NBEA: variants seen among roughly 807,000 people sequenced by gnomAD.
The protein encoded by NBEA is neurobeachin.
NBEA carries 44 observed loss-of-function variants against 343.4 expected under a neutral mutation model. The observed-to-expected ratio is 0.13, with a 90% CI of 0.10 to 0.16. The LOEUF (loss-of-function observed/expected upper bound fraction) is 0.16, where lower values mean the gene tolerates loss of function less well. NBEA is among the 10% of genes least tolerant of loss of function. The pLI, the probability that NBEA is intolerant of heterozygous loss-of-function variation, is 1.00. For missense variants in NBEA, 2,555 were observed against 3,631.3 expected, an observed-to-expected ratio of 0.70 and a Z score of 7.62; for synonymous variants, 1,175 against 1,238.7, an observed-to-expected ratio of 0.95 and a Z score of 1.08.
chr13:35,451,692 G>A (rs533467300), intron 39 of NBEA, among the ~76,000 whole-genome samples: 2 of 152,286 alleles, frequency 1.3e-5, no homozygotes, highest in Non-Finnish European at 2.9e-5. Flanking sequence ...GTATAATTAT[G>A]TAAAATAGTG....
chr13:35,255,452 G>C (rs2032476853), intron 34 of NBEA, among the ~76,000 whole-genome samples: 1 of 152,234 alleles, frequency 6.6e-6, no homozygotes. Flanking sequence ...AGCAGCAGTG[G>C]GTGCATGAGC....
intron 1 of NBEA, among the ~76,000 whole-genome samples, chr13:34,975,746 A>C (rs1233435774): frequency 6.6e-6 from 1 of 152,142 alleles, no homozygotes; most frequent in Non-Finnish European, 1.5e-5. Flanking sequence ...AAAAAATCCC[A>C]TCAAAAAGTG....
intron 34 of NBEA, among the ~76,000 whole-genome samples, chr13:35,266,109 C>T (rs2033651226): frequency 6.6e-6 from 1 of 151,812 alleles, no homozygotes; most frequent in Non-Finnish European, 1.5e-5. Flanking sequence ...TTCAACATCA[C>T]TAATCAGAAA....
At chr13:35,584,342 G>A (rs1379248391) in intron 46 of NBEA, among the ~76,000 whole-genome samples, 1 of 148,080 alleles carries the variant, frequency 6.8e-6, no homozygotes. Flanking sequence ...CAGTGAGAGG[G>A]TCTCTCACTC....
intron 1 of NBEA, among the ~76,000 whole-genome samples, chr13:34,985,587 T>C (rs1172464534): frequency 6.6e-6 from 1 of 151,008 alleles, no homozygotes. Flanking sequence ...TCTTTTTCTA[T>C]TAATTGGAAT....
chr13:35,387,837 C>T (rs2042316073), intron 38 of NBEA, among the ~76,000 whole-genome samples: 3 of 152,060 alleles, frequency 2.0e-5, no homozygotes, highest in African/African-American at 2.4e-5. Flanking sequence ...TAAATGGTAA[C>T]GCTCTGGCTC....
rs74054535 is a variant in NBEA, at chr13:35,412,121, T to A, written c.6180-20148T>A. Among the ~76,000 whole-genome samples the A allele has an allele frequency of 5.6e-3, 848 of 152,256 alleles. 8 individuals are homozygous for A. Among genetic ancestry groups the A allele is most frequent in the African/African-American group, 0.019 (790 of 41,548 alleles). On this transcript the variant is annotated intron_variant, in intron 38 of 58. Transcript: ENST00000379939. The stretch of plus-strand genomic sequence containing the variant: ...AAAAATTTGAAATCCATGCATAATG[T>A]TTTCATAATACACATTTTCCATGAA...
chr13:35,562,508 A>G (rs1038459066), intron 44 of NBEA, among the ~76,000 whole-genome samples: 1 of 152,028 alleles, frequency 6.6e-6, no homozygotes, highest in Non-Finnish European at 1.5e-5. Context: ...GTTGTTTTTC[A>G]TATGATCAGC....
intron 30 of NBEA, among the ~76,000 whole-genome samples, chr13:35,190,720 G>T (rs1591646): frequency 0.076 from 11,586 of 152,112 alleles, 605 homozygotes; most frequent in South Asian, 0.19. Context: ...ACAACAAAAA[G>T]AATTATGAGA....
chr13:35,293,917 ACT>A (rs919612707), intron 35 of NBEA, among the ~76,000 whole-genome samples: 1 of 152,046 alleles, frequency 6.6e-6, no homozygotes, highest in African/African-American at 2.4e-5. Context: ...AAATTGAGAA[ACT>A]GTACATTTAA....
chr13:35,581,516 A>G (rs2081034047), intron 45 of NBEA, among the ~76,000 whole-genome samples: 2 of 151,710 alleles, frequency 1.3e-5, no homozygotes, highest in South Asian at 4.2e-4. Flanking sequence ...TAGATTCTGG[A>G]TATTAGCCCT....
intron 41 of NBEA, chr13:35,476,296 C>CCTG (rs56240021): frequency 0.061 from 58,555 of 958,106 alleles, 2,484 homozygotes; most frequent in East Asian, 0.083. Flanking sequence ...CGTTGGTTTC[C>CCTG]CTGCTGCTGC....
chr13:35,110,295 A>G (rs1267121269), intron 12 of NBEA, among the ~76,000 whole-genome samples: 1 of 150,898 alleles, frequency 6.6e-6, no homozygotes, highest in African/African-American at 2.4e-5. Context: ...GGTGTCTGAC[A>G]TGCCATCTCT....
At chr13:35,282,633 G>C (rs1471975443) in intron 34 of NBEA, among the ~76,000 whole-genome samples, 1 of 152,156 alleles carries the variant, frequency 6.6e-6, no homozygotes, top group Non-Finnish European at 1.5e-5. Flanking sequence ...ACTCATTGCT[G>C]TTGTGATTAT....
intron 1 of NBEA, among the ~76,000 whole-genome samples, chr13:35,034,276 G>A (rs1279515999): frequency 6.6e-6 from 1 of 151,542 alleles, no homozygotes; most frequent in African/African-American, 2.4e-5. Context: ...TGATCTTGTG[G>A]TTTTTCTTCA....
intron 35 of NBEA, among the ~76,000 whole-genome samples, chr13:35,296,964 T>C (rs2036173136): frequency 6.6e-6 from 1 of 152,002 alleles, no homozygotes; most frequent in Non-Finnish European, 1.5e-5. Context: ...TCACAGGAAG[T>C]TGCAAAAATA....
In NBEA at chr13:35,582,805, C is replaced by T. The variant is rs982445839; in HGVS notation, c.7036-1093C>T. 5.9e-5 allele frequency among the ~76,000 whole-genome samples: 9 copies of T among 152,218 alleles called. No individual in the cohort carries two copies. In the East Asian group the frequency reaches 1.2e-3, roughly 20 times the overall value. On this transcript the variant is annotated intron_variant, in intron 45 of 58. Coordinates refer to ENST00000379939, the MANE Select transcript of NBEA (RefSeq NM_001385012.1). ...ACCTCATTGTGTTATTTGAATTAGT[C>T]TCCTGAGGCCAAAAGAAAAGGCTCA...
intron 34 of NBEA, among the ~76,000 whole-genome samples, chr13:35,273,531 TAGAG>T (rs1223412505): frequency 6.6e-6 from 1 of 151,660 alleles, no homozygotes; most frequent in Non-Finnish European, 1.5e-5. Flanking sequence ...CTGAAGGAGA[TAGAG>T]ACACAAAAAA....
chr13:35,065,014 C>T (rs1419423547), intron 8 of NBEA, among the ~76,000 whole-genome samples: 3 of 150,354 alleles, frequency 2.0e-5, no homozygotes, highest in Admixed American at 6.7e-5. Context: ...CACTACATAC[C>T]ATTGACTCTT....
Sources: allele counts gnomAD v4.1 joint callset (sites outside exome capture counted in the v4.1 genomes callset), GRCh38; gene constraint gnomAD v4.1.1; transcripts MANE v1.5; gene names NCBI Gene and HGNC (gene_info 2026-07-23, HGNC 2026-07-21).